Variants in TLK1 observed in about 807,000 individuals in gnomAD.
TLK1 encodes serine/threonine-protein kinase tousled-like 1.
Under a neutral mutation model 105.3 loss-of-function variants are expected in TLK1, and 24 were observed. The observed-to-expected ratio is 0.23, with a 90% CI of 0.17 to 0.32. The LOEUF (loss-of-function observed/expected upper bound fraction) is 0.32. Among genes scored for constraint, TLK1 ranks in the 10% least tolerant of loss-of-function variants. The pLI is 1.00. For synonymous variants in TLK1, 321 were observed against 310.4 expected, an observed-to-expected ratio of 1.03 and a Z score of -0.36; for missense variants, 558 against 910.5, an observed-to-expected ratio of 0.61 and a Z score of 4.98.
At chr2:171,015,072 G>A (rs1685109399) in intron 12 of TLK1, 124 bp from the exon 13 acceptor site, 1 of 702,628 alleles carries the variant, frequency 1.4e-6, no homozygotes, top group Middle Eastern at 2.6e-4. Flanking sequence ...GTACCACCGA[G>A]TTAAAAGACC....
intron 1 of TLK1, among the ~76,000 whole-genome samples, chr2:171,142,551 A>G (rs1691623284): frequency 6.6e-6 from 1 of 152,236 alleles, no homozygotes; most frequent in Non-Finnish European, 1.5e-5. Flanking sequence ...ACAATAATAA[A>G]AAGTTTGATT....
intron 4 of TLK1, among the ~76,000 whole-genome samples, chr2:171,059,380 G>A (rs978882417): frequency 6.6e-6 from 1 of 152,156 alleles, no homozygotes; most frequent in African/African-American, 2.4e-5. Flanking sequence ...TAACTTCAGA[G>A]GAAGCTGACT....
Position 171,140,458 on chromosome 2 carries a change from T to A in TLK1, c.139+19832A>T, listed in dbSNP as rs10168839. Among the ~76,000 whole-genome samples, 521 of 152,106 alleles carry A rather than the reference T, an allele frequency of 3.4e-3. 6 individuals carry two copies. Among genetic ancestry groups the A allele is most frequent in the African/African-American group, 0.012 (488 of 41,370 alleles). On this transcript the variant is annotated intron_variant, in intron 1 of 20. Transcript: ENST00000431350. ...CATCTGCTGATTTAAGTAGTGACTG[T>A]GAGGCTGGAAAGCTAAGCAAAACAT... is the stretch of plus-strand genomic sequence containing the variant.
At chr2:171,049,371 T>C (rs931832160) in intron 10 of TLK1, among the ~76,000 whole-genome samples, 6 of 152,234 alleles carry the variant, frequency 3.9e-5, no homozygotes, top group African/African-American at 1.2e-4. Context: ...TCAGTTATTA[T>C]ATCTGAGGCA....
At chr2:171,188,633 G>A (rs560301997) in intron 1 of TLK1, among the ~76,000 whole-genome samples, 1 of 151,748 alleles carries the variant, frequency 6.6e-6, no homozygotes, top group Non-Finnish European at 1.5e-5. Flanking sequence ...GTGAACCTGG[G>A]GAGGCAGAGG....
intron 14 of TLK1, among the ~76,000 whole-genome samples, chr2:171,011,165 G>A (rs1684897951): frequency 6.6e-6 from 1 of 151,882 alleles, no homozygotes; most frequent in African/African-American, 2.4e-5. Context: ...CACCACACCT[G>A]GCTGACTTTT....
At chr2:171,137,591 G>A (rs1039976836) in intron 1 of TLK1, among the ~76,000 whole-genome samples, 2 of 152,110 alleles carry the variant, frequency 1.3e-5, no homozygotes, top group African/African-American at 4.8e-5. Context: ...GCTCACGTCT[G>A]TAATCCTAAC....
At chr2:171,107,645 G>A (rs892148919) in intron 2 of TLK1, among the ~76,000 whole-genome samples, 12 of 152,220 alleles carry the variant, frequency 7.9e-5, no homozygotes, top group African/African-American at 2.7e-4. Flanking sequence ...GAAATGTCTT[G>A]TGTCTGAAAA....
At chr2:171,216,975 T>C (rs949114433) in intron 1 of TLK1, among the ~76,000 whole-genome samples, 2 of 152,148 alleles carry the variant, frequency 1.3e-5, no homozygotes, top group African/African-American at 4.8e-5. Context: ...AGGCGACACA[T>C]TTCTGTTATT....
chr2:171,194,016 G>C (rs1168579484), intron 1 of TLK1, among the ~76,000 whole-genome samples: 1 of 152,098 alleles, frequency 6.6e-6, no homozygotes, highest in East Asian at 1.9e-4. Flanking sequence ...ACTGCACCCG[G>C]TCATTTTTGT....
chr2:171,105,737 G>C (rs144900387), intron 2 of TLK1, among the ~76,000 whole-genome samples: 1 of 152,008 alleles, frequency 6.6e-6, no homozygotes, highest in African/African-American at 2.4e-5. Flanking sequence ...GCAGAGAAAG[G>C]GAAACCCTCC....
intron 2 of TLK1, among the ~76,000 whole-genome samples, chr2:171,099,232 AAAAC>A (rs1369099786): frequency 1.3e-5 from 2 of 152,246 alleles, no homozygotes; most frequent in Non-Finnish European, 2.9e-5. Flanking sequence ...AGCAATGTGA[AAAAC>A]AAATTAAGAA....
chr2:171,116,565 T>C (rs1690438168), intron 2 of TLK1, among the ~76,000 whole-genome samples: 2 of 151,952 alleles, frequency 1.3e-5, no homozygotes, highest in South Asian at 2.1e-4. Flanking sequence ...CCAGGCATGG[T>C]GGTGAGCACC....
intron 12 of TLK1, among the ~76,000 whole-genome samples, chr2:171,024,586 T>C (rs746073122): frequency 1.3e-5 from 2 of 152,180 alleles, no homozygotes; most frequent in Non-Finnish European, 2.9e-5. Flanking sequence ...TTTTTCTGAA[T>C]ACAAAGAATC....
rs1690495276 is a variant in TLK1 at position 171,117,750 on chromosome 2, C to T, written c.247G>A (p.Val83Ile). The T allele has an allele frequency of 6.2e-7, 1 of 1,613,316 alleles. No individual in the cohort carries two copies. Among genetic ancestry groups the T allele is most frequent in the Non-Finnish European group, 8.5e-7 (1 of 1,179,686 alleles). ...GSTGSTGSCS[V>I]GAKASTNNES... ...AGAATTTTGCTCACTTTAGCTCCAA[C>T]ACTGCAACTGCCCGTACTTCCAGTG... The change falls in exon 2 of 21, where the codon GTT becomes ATT. Residue 83 changes from valine (V) to isoleucine (I), a missense_variant. By Grantham distance (29) the Val-to-Ile change is conservative (BLOSUM62 3). Coordinates refer to ENST00000431350, the MANE Select transcript of TLK1 (RefSeq NM_012290.5).
intron 8 of TLK1, among the ~76,000 whole-genome samples, chr2:171,050,418 C>T (rs1409368491): frequency 6.6e-6 from 1 of 151,914 alleles, no homozygotes; most frequent in Non-Finnish European, 1.5e-5. Context: ...CAAATCCATA[C>T]TCTAAGGTTA....
At chr2:171,105,621 G>C (rs1283068189) in intron 2 of TLK1, among the ~76,000 whole-genome samples, 1 of 152,174 alleles carries the variant, frequency 6.6e-6, no homozygotes, top group Non-Finnish European at 1.5e-5. Flanking sequence ...AGGAGGCGGA[G>C]GCTGCAGTGA....
At chr2:171,071,823 T>A (rs1191237484) in intron 3 of TLK1, among the ~76,000 whole-genome samples, 22 of 152,192 alleles carry the variant, frequency 1.4e-4, no homozygotes, top group Admixed American at 1.4e-3. Context: ...CCCTGCACCA[T>A]TTATTGAACA....
At chr2:171,170,345 C>G (rs1193024255) in intron 1 of TLK1, among the ~76,000 whole-genome samples, 1 of 152,164 alleles carries the variant, frequency 6.6e-6, no homozygotes, top group Non-Finnish European at 1.5e-5. Flanking sequence ...AGATAAATGT[C>G]AATAGATACA....
Sources: allele counts gnomAD v4.1 joint callset (sites outside exome capture counted in the v4.1 genomes callset), GRCh38; gene constraint gnomAD v4.1.1; transcripts MANE v1.5; gene names NCBI Gene and HGNC (gene_info 2026-07-23, HGNC 2026-07-21).